DNAJC1: variants seen among roughly 807,000 people sequenced by gnomAD.
The protein encoded by DNAJC1 is dnaJ homolog subfamily C member 1.
Under a neutral mutation model 76.6 loss-of-function variants are expected in DNAJC1, and 58 were observed. That is an observed-to-expected ratio of 0.76 (90% CI 0.61 to 0.94). The LOEUF is 0.94. Among genes scored for constraint, DNAJC1 ranks in the 40% least tolerant of loss-of-function variants. The probability of loss-of-function intolerance (pLI) is 0.00; values close to 1 mark genes in which losing one functional copy is unlikely to be tolerated. For synonymous variants in DNAJC1, 258 were observed against 267.9 expected, an observed-to-expected ratio of 0.96 and a Z score of 0.36; for missense variants, 689 against 677.3, an observed-to-expected ratio of 1.02 and a Z score of -0.19.
At chr10:21,781,859 A>G (rs1259335671) in intron 9 of DNAJC1, among the ~76,000 whole-genome samples, 1 of 152,198 alleles carries the variant, frequency 6.6e-6, no homozygotes, top group Non-Finnish European at 1.5e-5. Context: ...ATGAGAACAA[A>G]GACACAACAT....
At position 21,875,504 on chromosome 10, in the gene DNAJC1, G is replaced by T. The variant is rs987618698; in HGVS notation, c.978+6778C>A. ...TGATGAAATAAAGATTTTCAGCAAT[G>T]AAAGCTTTCTTTGAGATTGGGAATG... On this transcript the variant is annotated intron_variant, in intron 8 of 11. Transcript: ENST00000376980. 3.9e-5 allele frequency among the ~76,000 whole-genome samples: 6 copies of T among 152,180 alleles called. No individual in the cohort carries two copies. In the South Asian group the frequency reaches 1.2e-3, roughly 31 times the overall value.
At chr10:21,885,935 C>G (rs1836360589) in intron 7 of DNAJC1, among the ~76,000 whole-genome samples, 3 of 151,794 alleles carry the variant, frequency 2.0e-5, no homozygotes, top group Non-Finnish European at 4.4e-5. Flanking sequence ...ATTAGAGAAG[C>G]AAGAACAAAT....
intron 1 of DNAJC1, among the ~76,000 whole-genome samples, chr10:21,957,824 G>C (rs917693548): frequency 1.3e-5 from 2 of 152,090 alleles, no homozygotes; most frequent in African/African-American, 4.8e-5. Flanking sequence ...TTTTAAAAAT[G>C]TGCTTACTTT....
In DNAJC1 at chr10:21,803,643, G is replaced by A. The variant is rs540879922; in HGVS notation, c.1098+2337C>T. On this transcript the variant is annotated intron_variant, in intron 9 of 11. Coordinates refer to ENST00000376980, the MANE Select transcript of DNAJC1 (RefSeq NM_022365.4). The stretch of plus-strand genomic sequence containing the variant: ...TGTGTGTATGTATGTGTGTGTGTGT[G>A]TGGACATATGCATGTGTTGGGGGAC... The A allele has an allele frequency of 1.9e-5, 3 of 158,014 alleles. No homozygotes were observed. In the East Asian group the frequency reaches 5.8e-4, roughly 30 times the overall value. The allele number at this position is 158,014 out of a possible 1,614,324, so 9.8% of individuals were successfully genotyped here. A position where few individuals can be genotyped will look rare whatever the true frequency, so the allele number is the denominator to read the frequency against.
chr10:21,922,726 A>T (rs1256747492), intron 3 of DNAJC1, among the ~76,000 whole-genome samples: 1 of 152,052 alleles, frequency 6.6e-6, no homozygotes, highest in African/African-American at 2.4e-5. Flanking sequence ...ACAACATTCA[A>T]ATGAAGTCCA....
intron 4 of DNAJC1, 131 bp from the exon 5 acceptor site, chr10:21,920,060 T>G (rs1837016406): frequency 3.8e-6 from 2 of 526,250 alleles, no homozygotes; most frequent in South Asian, 7.1e-5. Context: ...TCCAACATGA[T>G]TAAGTAAAAT....
At chr10:21,834,866 C>T (rs370038084) in intron 8 of DNAJC1, among the ~76,000 whole-genome samples, 2 of 152,212 alleles carry the variant, frequency 1.3e-5, no homozygotes, top group African/African-American at 2.4e-5. Flanking sequence ...AGCTCAAGGA[C>T]GCCTGCCTAC....
intron 1 of DNAJC1, among the ~76,000 whole-genome samples, chr10:21,991,987 G>C (rs147666276): frequency 5.9e-5 from 9 of 152,182 alleles, no homozygotes; most frequent in African/African-American, 2.2e-4. Context: ...TGCTGACTTA[G>C]TACAAAAAAT....
intron 8 of DNAJC1, among the ~76,000 whole-genome samples, chr10:21,857,113 T>A (rs1205072534): frequency 2.0e-5 from 3 of 152,182 alleles, no homozygotes; most frequent in African/African-American, 7.2e-5. Context: ...TTAACAACTA[T>A]CCTTATTAAT....
At chr10:21,818,015 T>A (rs565165678) in intron 8 of DNAJC1, among the ~76,000 whole-genome samples, 8 of 152,338 alleles carry the variant, frequency 5.3e-5, no homozygotes, top group African/African-American at 1.9e-4. Flanking sequence ...TCTGGGCACC[T>A]TGAAAAAAGA....
At chr10:21,821,187 C>A (rs1422676520) in intron 8 of DNAJC1, among the ~76,000 whole-genome samples, 1 of 152,176 alleles carries the variant, frequency 6.6e-6, no homozygotes, top group African/African-American at 2.4e-5. Flanking sequence ...CAGACTGAGT[C>A]CTGCTTTGGG....
chr10:21,842,202 C>A lies in DNAJC1; in HGVS notation c.979-36103G>T, dbSNP rs766637300. Among the ~76,000 whole-genome samples the A allele has an allele frequency of 2.7e-5, 4 of 150,014 alleles. No individual in the cohort carries two copies. In the South Asian group the frequency reaches 6.3e-4, roughly 24 times the overall value. ...ACATGGCACATGTATACATATGTAA[C>A]GAAACTGCATGTTGTGCACATGTAC... On this transcript the variant is annotated intron_variant, in intron 8 of 11. Coordinates refer to ENST00000376980, the MANE Select transcript of DNAJC1 (RefSeq NM_022365.4).
chr10:21,876,339 T>C (rs1398928869), intron 8 of DNAJC1, among the ~76,000 whole-genome samples: 2 of 152,098 alleles, frequency 1.3e-5, no homozygotes, highest in Non-Finnish European at 2.9e-5. Flanking sequence ...CTGGAACTCC[T>C]AACCCCAAGA....
intron 7 of DNAJC1, among the ~76,000 whole-genome samples, chr10:21,898,552 T>C (rs769336266): frequency 9.6e-4 from 135 of 139,924 alleles, no homozygotes; most frequent in Non-Finnish European, 1.8e-3. Context: ...TATACTATAC[T>C]TTTTTTTTTT....
intron 8 of DNAJC1, among the ~76,000 whole-genome samples, chr10:21,828,263 C>A (rs1486682248): frequency 6.6e-6 from 1 of 152,108 alleles, no homozygotes. Context: ...TCCCATGTGC[C>A]CAGCTAGGCA....
At chr10:21,996,024 G>T (rs1204512499) in intron 1 of DNAJC1, among the ~76,000 whole-genome samples, 1 of 152,038 alleles carries the variant, frequency 6.6e-6, no homozygotes. Flanking sequence ...TTAGTATAGG[G>T]CCCATCTTTT....
intron 3 of DNAJC1, 108 bp from the exon 4 acceptor site, chr10:21,921,071 A>T: frequency 3.1e-6 from 3 of 977,596 alleles, no homozygotes; most frequent in Non-Finnish European, 4.4e-6. Flanking sequence ...TATCCAAAAT[A>T]GATAATGTTT....
chr10:21,820,706 A>C (rs1273325176), intron 8 of DNAJC1, among the ~76,000 whole-genome samples: 1 of 152,212 alleles, frequency 6.6e-6, no homozygotes, highest in Non-Finnish European at 1.5e-5. Flanking sequence ...GGCCTCCAGA[A>C]CTTCTGACCA....
intron 8 of DNAJC1, among the ~76,000 whole-genome samples, chr10:21,842,896 G>A (rs995084688): frequency 3.3e-5 from 5 of 152,210 alleles, no homozygotes; most frequent in African/African-American, 1.2e-4. Flanking sequence ...TAAACTTCAT[G>A]AGAGCAGGGG....
Sources: gnomAD v4.1 joint callset for allele counts (sites outside exome capture counted in the v4.1 genomes callset) on GRCh38, gnomAD v4.1.1 for gene constraint, MANE v1.5 for transcripts, NCBI Gene and HGNC (gene_info 2026-07-23, HGNC 2026-07-21) for gene names.